ADAMTS17: variants seen among roughly 807,000 people sequenced by gnomAD.
ADAMTS17 encodes A disintegrin and metalloproteinase with thrombospondin motifs 17.
In ADAMTS17, 113 loss-of-function variants were observed where a neutral mutation model predicts 141.5. That is an observed-to-expected ratio of 0.80 (90% CI 0.69 to 0.93). The LOEUF (loss-of-function observed/expected upper bound fraction) is 0.93. Among genes scored for constraint, ADAMTS17 ranks in the 40% least tolerant of loss-of-function variants. The probability of loss-of-function intolerance (pLI) is 0.00; values close to 1 mark genes in which losing one functional copy is unlikely to be tolerated. For missense variants in ADAMTS17, 1,659 were observed against 1,517.9 expected (o/e 1.09, Z -1.54); for synonymous variants, 768 against 630.6 (o/e 1.22, Z -3.27).
chr15:100,223,429 G>C (rs557491608), intron 7 of ADAMTS17, among the ~76,000 whole-genome samples: 71 of 152,228 alleles, frequency 4.7e-4, no homozygotes, highest in Admixed American at 3.9e-3. Flanking sequence ...ACTTCTGCAT[G>C]AAGTATATAA....
chr15:100,281,354 G>T lies in ADAMTS17; in HGVS notation c.664C>A (p.Arg222=), dbSNP rs780526823. 3.1e-6 allele frequency: 5 copies of T among 1,609,654 alleles called. No individual in the cohort carries two copies. In the African/African-American group the frequency reaches 5.3e-5, roughly 17 times the overall value. The change falls in exon 4 of 22, where the codon CGG becomes AGG. Residue 222 remains arginine, a synonymous_variant. Transcript: ENST00000268070. ...CTGGTGAGCCGGATAGCGTTCCTCC[G>T]CTCCCGCCAGTCCCGCGAAGGCCTG... ...WGRPSRDWRE[R]RNAIRLTSEH...
chr15:100,163,592 C>T (rs1055423638), intron 8 of ADAMTS17, among the ~76,000 whole-genome samples: 2 of 152,224 alleles, frequency 1.3e-5, no homozygotes, highest in African/African-American at 4.8e-5. Flanking sequence ...CTCAAGTGAT[C>T]CTCCTGTCTC....
chr15:100,319,496 G>A (rs554794949), intron 3 of ADAMTS17, among the ~76,000 whole-genome samples: 1 of 152,294 alleles, frequency 6.6e-6, no homozygotes, highest in Admixed American at 6.5e-5. Flanking sequence ...AGATCTCAAG[G>A]TCAGGAGTTT....
chr15:100,093,996 CT>C (rs1305689252), intron 15 of ADAMTS17, among the ~76,000 whole-genome samples: 1 of 151,674 alleles, frequency 6.6e-6, no homozygotes, highest in East Asian at 1.9e-4. Flanking sequence ...GTGACTCATT[CT>C]TGTGCAAATG....
intron 7 of ADAMTS17, among the ~76,000 whole-genome samples, chr15:100,232,320 C>A (rs2042509642): frequency 6.6e-6 from 1 of 152,244 alleles, no homozygotes; most frequent in African/African-American, 2.4e-5. Context: ...CCCCTGCCAG[C>A]ACCTCCCCAA....
rs1255382299 is a variant in ADAMTS17, at chr15:99,971,728, T to TTTAA, written c.*2670_*2673dup. 6.6e-6 allele frequency: 1 copy of TTTAA among 152,188 alleles called. No individual in the cohort carries two copies. Among genetic ancestry groups the TTTAA allele is most frequent in the South Asian group, 2.1e-4 (1 of 4,812 alleles). 9.4% of individuals were successfully genotyped at this position (152,188 alleles called of 1,614,324 possible). On this transcript the variant is annotated 3_prime_UTR_variant, in exon 22 of 22. Transcript: ENST00000268070. ...ATCCAGCAACGGTCAGCTGAGAGGGTTTAATTTTGCACCAATAAAAATAGC... is the reference window on the plus strand; with the variant it reads ...ATCCAGCAACGGTCAGCTGAGAGGGTTTAATTAATTTTGCACCAATAAAAATAGC...
At chr15:100,278,782 A>T (rs572762434) in intron 4 of ADAMTS17, among the ~76,000 whole-genome samples, 2 of 152,338 alleles carry the variant, frequency 1.3e-5, no homozygotes, top group Admixed American at 1.3e-4. Context: ...TGGGCCCAGG[A>T]TTGGGGTCCT....
At chr15:100,326,397 G>A (rs1430773140) in intron 3 of ADAMTS17, among the ~76,000 whole-genome samples, 1 of 152,170 alleles carries the variant, frequency 6.6e-6, no homozygotes, top group African/African-American at 2.4e-5. Flanking sequence ...TCTCAAAGAA[G>A]TGTAGAGGAA....
At chr15:100,268,262 T>G (rs12913749) in intron 4 of ADAMTS17, among the ~76,000 whole-genome samples, 33,101 of 152,112 alleles carry the variant, frequency 0.22, 3,735 homozygotes, top group East Asian at 0.3. Flanking sequence ...AATGAACATA[T>G]GCATGCATGT....
chr15:100,041,981 G>A (rs1244351533), intron 18 of ADAMTS17, among the ~76,000 whole-genome samples: 2 of 152,178 alleles, frequency 1.3e-5, no homozygotes, highest in African/African-American at 4.8e-5. Context: ...GTTCAACAGT[G>A]GGTTGCATTC....
chr15:99,988,454 G>A (rs534518640), intron 20 of ADAMTS17, among the ~76,000 whole-genome samples: 2 of 152,172 alleles, frequency 1.3e-5, no homozygotes, highest in African/African-American at 4.8e-5. Context: ...TTCCTATACA[G>A]TCTGCAGAAC....
At chr15:100,186,785 C>G (rs2040734257) in intron 8 of ADAMTS17, among the ~76,000 whole-genome samples, 1 of 152,222 alleles carries the variant, frequency 6.6e-6, no homozygotes. Context: ...TATCTCTGCA[C>G]GATCCTTGGC....
intron 15 of ADAMTS17, among the ~76,000 whole-genome samples, chr15:100,087,116 A>T (rs565743719): frequency 1.3e-5 from 2 of 152,360 alleles, no homozygotes; most frequent in South Asian, 4.1e-4. Context: ...AGAAGAAAAC[A>T]GAGAAGAATC....
chr15:100,177,583 A>T, intron 8 of ADAMTS17, among the ~76,000 whole-genome samples: 1 of 152,200 alleles, frequency 6.6e-6, no homozygotes, highest in East Asian at 1.9e-4. Flanking sequence ...ATAATGCTGA[A>T]TGTTCCATGA....
At chr15:100,163,779 T>G (rs2039836116) in intron 8 of ADAMTS17, among the ~76,000 whole-genome samples, 1 of 152,198 alleles carries the variant, frequency 6.6e-6, no homozygotes, top group African/African-American at 2.4e-5. Flanking sequence ...TTTTCAAAGA[T>G]CATTTGGACC....
At chr15:100,073,821 G>C (rs1332434996) in intron 15 of ADAMTS17, among the ~76,000 whole-genome samples, 1 of 151,070 alleles carries the variant, frequency 6.6e-6, no homozygotes, top group Non-Finnish European at 1.5e-5. Context: ...GTTAAATAAC[G>C]AGTTGATGGG....
At chr15:100,180,712 T>C (rs1457805479) in intron 8 of ADAMTS17, among the ~76,000 whole-genome samples, 1 of 152,256 alleles carries the variant, frequency 6.6e-6, no homozygotes, top group Non-Finnish European at 1.5e-5. Flanking sequence ...TGTTTTATAA[T>C]TTTCATTACA....
chr15:100,047,060 G>A (rs900185399), intron 18 of ADAMTS17, among the ~76,000 whole-genome samples: 28 of 151,910 alleles, frequency 1.8e-4, no homozygotes, highest in Non-Finnish European at 3.7e-4. Flanking sequence ...AGCCCCTGAG[G>A]GTAGGCCTCT....
At chr15:100,274,236 G>T (rs2044005735) in intron 4 of ADAMTS17, among the ~76,000 whole-genome samples, 2 of 152,116 alleles carry the variant, frequency 1.3e-5, no homozygotes, top group African/African-American at 4.8e-5. Flanking sequence ...CTTTTCTTCT[G>T]TCTGGTTGTT....
Sources: gnomAD v4.1 joint callset for allele counts (sites outside exome capture counted in the v4.1 genomes callset) on GRCh38, gnomAD v4.1.1 for gene constraint, MANE v1.5 for transcripts, NCBI Gene and HGNC (gene_info 2026-07-23, HGNC 2026-07-21) for gene names.